Variants in ARL15 observed in about 807,000 individuals in gnomAD.
ARL15 encodes ADP-ribosylation factor-like protein 15.
In ARL15, 19 loss-of-function variants were observed where a neutral mutation model predicts 25.2. That is an observed-to-expected ratio of 0.75 (90% CI 0.53 to 1.10). ARL15 has a LOEUF of 1.10. Ranked by LOEUF, ARL15 falls within the 50% of genes least tolerant of loss-of-function variation. The pLI is 0.00. For missense variants in ARL15, 220 were observed against 246.0 expected (o/e 0.89, Z 0.71); for synonymous variants, 94 against 86.8 (o/e 1.08, Z -0.46).
At chr5:54,051,904 G>C (rs1421389173) in intron 4 of ARL15, among the ~76,000 whole-genome samples, 1 of 152,128 alleles carries the variant, frequency 6.6e-6, no homozygotes, top group East Asian at 1.9e-4. Flanking sequence ...TCTTCCAATA[G>C]AAGAATCGAC....
chr5:54,177,065 G>A (rs1168345634), intron 1 of ARL15, among the ~76,000 whole-genome samples: 1 of 152,108 alleles, frequency 6.6e-6, no homozygotes, highest in Non-Finnish European at 1.5e-5. Flanking sequence ...ATACCCTCTT[G>A]GGGGGCCAAC....
At chr5:54,038,518 A>C (rs931726624) in intron 4 of ARL15, among the ~76,000 whole-genome samples, 1 of 152,160 alleles carries the variant, frequency 6.6e-6, no homozygotes, top group African/African-American at 2.4e-5. Context: ...TCAAGTGTAA[A>C]CCTCATGTAA....
At chr5:54,275,479 A>G (rs552543803) in intron 1 of ARL15, among the ~76,000 whole-genome samples, 2 of 152,138 alleles carry the variant, frequency 1.3e-5, no homozygotes, top group East Asian at 3.9e-4. Context: ...CCAGAAGGAA[A>G]CTACTTGGCC....
At chr5:54,243,029 G>A (rs1756998839) in intron 1 of ARL15, among the ~76,000 whole-genome samples, 1 of 152,078 alleles carries the variant, frequency 6.6e-6, no homozygotes, top group Admixed American at 6.5e-5. Context: ...ACATCCTCCT[G>A]TAAACATTGC....
chr5:54,044,124 A>G (rs902432219), intron 4 of ARL15, among the ~76,000 whole-genome samples: 3 of 152,208 alleles, frequency 2.0e-5, no homozygotes, highest in African/African-American at 4.8e-5. Flanking sequence ...TATTAAGCAC[A>G]TTAGATGTGC....
intron 4 of ARL15, among the ~76,000 whole-genome samples, chr5:53,894,934 C>T (rs1223842990): frequency 2.0e-5 from 3 of 152,152 alleles, no homozygotes; most frequent in Admixed American, 2.0e-4. Context: ...ACCCAGGCAC[C>T]ATAAATTCCC....
chr5:54,197,001 T>C (rs1345694891), intron 1 of ARL15, among the ~76,000 whole-genome samples: 1 of 152,210 alleles, frequency 6.6e-6, no homozygotes, highest in African/African-American at 2.4e-5. Flanking sequence ...AGTCAATATA[T>C]ATTGATTCTT....
chr5:53,989,483 A>C (rs1375620219), intron 4 of ARL15, among the ~76,000 whole-genome samples: 2 of 152,182 alleles, frequency 1.3e-5, no homozygotes, highest in African/African-American at 4.8e-5. Context: ...CACCCTGAGC[A>C]TGAGATAGAC....
In ARL15 at chr5:54,134,337, C is replaced by G. The variant is rs528655886; in HGVS notation, c.253+20243G>C. On this transcript the variant is annotated intron_variant, in intron 3 of 4. Transcript: ENST00000504924. ...ATCCTTGGGAAAGAAAGAAAGAAAT[C>G]AGACGGCAGTAGTTCGGTAGCTTTG... Among the ~76,000 whole-genome samples, 4 of 152,230 alleles carry G rather than the reference C, an allele frequency of 2.6e-5. No homozygotes were observed. The South Asian group carries it at 8.3e-4, about 32-fold the overall frequency.
chr5:53,897,178 A>G (rs1744900979), intron 4 of ARL15, among the ~76,000 whole-genome samples: 1 of 152,248 alleles, frequency 6.6e-6, no homozygotes. Flanking sequence ...AACAATCATC[A>G]CCATCTAATT....
intron 1 of ARL15, among the ~76,000 whole-genome samples, chr5:54,272,107 C>CTTT (rs34592464): frequency 0.031 from 1,131 of 36,796 alleles, 319 homozygotes; most frequent in Non-Finnish European, 0.048. Context: ...CCACTCCTGG[C>CTTT]TTTTTTTTTT....
intron 4 of ARL15, among the ~76,000 whole-genome samples, chr5:53,895,836 G>T (rs1744853894): frequency 6.6e-6 from 1 of 151,930 alleles, no homozygotes; most frequent in African/African-American, 2.4e-5. Flanking sequence ...CATTTCAACT[G>T]TTTAACAATC....
At chr5:54,094,479 A>C (rs1431601829) in intron 4 of ARL15, among the ~76,000 whole-genome samples, 1 of 152,106 alleles carries the variant, frequency 6.6e-6, no homozygotes, top group Non-Finnish European at 1.5e-5. Context: ...AAATAACAGC[A>C]ACAAAAAAGG....
intron 3 of ARL15, among the ~76,000 whole-genome samples, chr5:54,144,596 C>A (rs1181236707): frequency 6.6e-6 from 1 of 152,216 alleles, no homozygotes; most frequent in East Asian, 1.9e-4. Context: ...TGGCATCTTT[C>A]TTTCATGGTA....
At chr5:54,141,775 C>A (rs1413752391) in intron 3 of ARL15, among the ~76,000 whole-genome samples, 1 of 152,100 alleles carries the variant, frequency 6.6e-6, no homozygotes, top group African/African-American at 2.4e-5. Context: ...TTTGCATTTT[C>A]TAAAATTTTA....
At chr5:54,180,396 G>A (rs1755022457) in intron 1 of ARL15, among the ~76,000 whole-genome samples, 1 of 152,118 alleles carries the variant, frequency 6.6e-6, no homozygotes, top group African/African-American at 2.4e-5. Flanking sequence ...TTGCAAACAA[G>A]TTCAAAATGG....
intron 4 of ARL15, among the ~76,000 whole-genome samples, chr5:54,031,306 A>G (rs1201176388): frequency 6.6e-6 from 1 of 152,230 alleles, no homozygotes; most frequent in Non-Finnish European, 1.5e-5. Context: ...AAGTAATGCC[A>G]TCTAGTTCCT....
intron 1 of ARL15, among the ~76,000 whole-genome samples, chr5:54,268,973 A>C (rs529983682): frequency 6.6e-6 from 1 of 152,136 alleles, no homozygotes; most frequent in African/African-American, 2.4e-5. Context: ...TCGCAAGAAC[A>C]AAAAACCAAA....
rs77963636 is a variant in ARL15 at position 53,928,044 on chromosome 5, G to A, written c.463-41331C>T. Reference sequence around the variant, plus strand: ...CAGTGCCTGGCAGGTAGGAGGCACTGCATAAATGTCAGTGAATATTATTGA... The same window carrying A: ...CAGTGCCTGGCAGGTAGGAGGCACTACATAAATGTCAGTGAATATTATTGA... On this transcript the variant is annotated intron_variant, in intron 4 of 4. Coordinates refer to ENST00000504924, the MANE Select transcript of ARL15 (RefSeq NM_019087.3). 1.0e-3 allele frequency among the ~76,000 whole-genome samples: 159 copies of A among 152,320 alleles called. 1 individual carries two copies. The highest frequency in any genetic ancestry group is 3.7e-3 in the African/African-American group (154 of 41,570).
Sources: allele counts gnomAD v4.1 joint callset (sites outside exome capture counted in the v4.1 genomes callset), GRCh38; gene constraint gnomAD v4.1.1; transcripts MANE v1.5; gene names NCBI Gene and HGNC (gene_info 2026-07-23, HGNC 2026-07-21).